The following SMCP variants were observed in gnomAD, a reference collection of about 807,000 sequenced individuals.
The protein encoded by SMCP is sperm mitochondrial-associated cysteine-rich protein.
For synonymous variants in SMCP, 41 were observed against 46.9 expected, an observed-to-expected ratio of 0.87 and a Z score of 0.51; for missense variants, 137 against 137.1, an observed-to-expected ratio of 1.00 and a Z score of 0.01.
chr1:152,881,930 A>G (rs927021988), intron 1 of SMCP, among the ~76,000 whole-genome samples: 2 of 152,180 alleles, frequency 1.3e-5, no homozygotes, highest in Admixed American at 6.5e-5. Flanking sequence ...GAGCCAAACC[A>G]TATCATGGGG....
At chr1:152,880,274 G>A (rs796103073) in intron 1 of SMCP, among the ~76,000 whole-genome samples, 4 of 152,090 alleles carry the variant, frequency 2.6e-5, no homozygotes, top group Admixed American at 6.5e-5. Flanking sequence ...AAGGAGATAC[G>A]GACAGATACT....
In SMCP at chr1:152,885,014, T is replaced by A; in HGVS notation, c.*241T>A. On this transcript the variant is annotated 3_prime_UTR_variant, in exon 2 of 2. Transcript: ENST00000368765. ...CATCTTTCCTAGTGATCCTGACATT[T>A]AGACAGCACAGAAATAAAGAGCAAT... is the stretch of plus-strand genomic sequence containing the variant. The A allele has an allele frequency of 1.8e-6, 1 of 549,682 alleles. No individual in the cohort carries two copies. The highest frequency in any genetic ancestry group is 3.0e-5 in the South Asian group (1 of 33,538). The allele number at this position is 549,682 out of a possible 1,614,324, so 34.1% of individuals were successfully genotyped here. A position where few individuals can be genotyped will look rare whatever the true frequency, so the allele number is the denominator to read the frequency against.
chr1:152,883,193 C>A (rs1007284522), intron 1 of SMCP, among the ~76,000 whole-genome samples: 4 of 152,228 alleles, frequency 2.6e-5, no homozygotes, highest in Admixed American at 1.3e-4. Flanking sequence ...CTACCAGTGA[C>A]AGGGCTCTGA....
At chr1:152,878,760 C>G (rs947791337) in intron 1 of SMCP, among the ~76,000 whole-genome samples, 4 of 152,140 alleles carry the variant, frequency 2.6e-5, no homozygotes, top group African/African-American at 9.7e-5. Context: ...TCCAAGAAAG[C>G]CTTTCAGGGA....
chr1:152,884,787 C>T lies in SMCP; in HGVS notation c.*14C>T, dbSNP rs374693542. On this transcript the variant is annotated 3_prime_UTR_variant, in exon 2 of 2. Coordinates refer to ENST00000368765, the MANE Select transcript of SMCP (RefSeq NM_030663.3). ...CCAAGCAAATGAGAGCAGAAGAAGT[C>T]AAACAAAGAAGAAGTCCCTGGGGCC... is the stretch of plus-strand genomic sequence containing the variant. The T allele has an allele frequency of 2.6e-5, 42 of 1,607,124 alleles. No individual in the cohort carries two copies. The African/African-American group carries it at 4.8e-4, about 18-fold the overall frequency.
chr1:152,880,478 G>A lies in SMCP; in HGVS notation c.-21+2032G>A, dbSNP rs138372000. Among the ~76,000 whole-genome samples the A allele has an allele frequency of 5.1e-4, 78 of 152,184 alleles. 1 individual carries two copies. The highest frequency in any genetic ancestry group is 8.1e-4 in the Non-Finnish European group (55 of 68,008). ...CCTATTTTTATACTGGTCTGTCTCC[G>A]TCTTATTTCCATTTTTGGTGTGCCT... On this transcript the variant is annotated intron_variant, in intron 1 of 1. Coordinates refer to ENST00000368765, the MANE Select transcript of SMCP (RefSeq NM_030663.3).
intron 1 of SMCP, among the ~76,000 whole-genome samples, chr1:152,883,048 A>G (rs1368376666): frequency 6.6e-6 from 1 of 152,220 alleles, no homozygotes; most frequent in Non-Finnish European, 1.5e-5. Flanking sequence ...CCATCTCAAA[A>G]AAACAAAAAC....
In SMCP at chr1:152,884,998, T is replaced by C; in HGVS notation, c.*225T>C. On this transcript the variant is annotated 3_prime_UTR_variant, in exon 2 of 2. Transcript: ENST00000368765. ...ATGAAGAGGCTAGAATCATCTTTCC[T>C]AGTGATCCTGACATTTAGACAGCAC... is the stretch of plus-strand genomic sequence containing the variant. 1 of 574,208 alleles carries C rather than the reference T, an allele frequency of 1.7e-6. No individual in the cohort carries two copies. Among genetic ancestry groups the C allele is most frequent in the Non-Finnish European group, 3.1e-6 (1 of 317,524 alleles). 35.6% of individuals were successfully genotyped at this position (574,208 alleles called of 1,614,324 possible). A position where few individuals can be genotyped will look rare whatever the true frequency, so the allele number is the denominator to read the frequency against.
intron 1 of SMCP, among the ~76,000 whole-genome samples, chr1:152,883,886 C>G (rs1167369002): frequency 6.6e-6 from 1 of 152,180 alleles, no homozygotes; most frequent in Non-Finnish European, 1.5e-5. Flanking sequence ...TTTCATTGCA[C>G]CTGGGTCCAT....
At chr1:152,879,229 T>C (rs1204491157) in intron 1 of SMCP, among the ~76,000 whole-genome samples, 3 of 152,182 alleles carry the variant, frequency 2.0e-5, no homozygotes, top group African/African-American at 7.2e-5. Context: ...TTTCTTTTTA[T>C]TTATTTATTG....
intron 1 of SMCP, among the ~76,000 whole-genome samples, chr1:152,880,618 A>G (rs1453866283): frequency 2.0e-5 from 3 of 152,120 alleles, no homozygotes; most frequent in Non-Finnish European, 4.4e-5. Context: ...AAGGAGCAAT[A>G]GGGTGACTTG....
At chr1:152,884,319 G>A in intron 1 of SMCP, 84 bp from the exon 2 acceptor site, 2 of 1,148,082 alleles carry the variant, frequency 1.7e-6, no homozygotes, top group Middle Eastern at 2.8e-4. Context: ...CCTGAAGATG[G>A]ATGTATTTGG....
intron 1 of SMCP, among the ~76,000 whole-genome samples, chr1:152,880,905 A>G (rs1278009347): frequency 1.3e-5 from 2 of 152,058 alleles, no homozygotes; most frequent in Non-Finnish European, 2.9e-5. Flanking sequence ...TTCCCTCCCA[A>G]TCTTCTCTCA....
intron 1 of SMCP, among the ~76,000 whole-genome samples, chr1:152,882,356 G>A (rs902215266): frequency 4.6e-5 from 7 of 152,156 alleles, no homozygotes; most frequent in African/African-American, 1.7e-4. Context: ...AAAAGAAGAG[G>A]ACAAGACAAG....
At chr1:152,882,256 C>G (rs527844749) in intron 1 of SMCP, among the ~76,000 whole-genome samples, 1 of 152,314 alleles carries the variant, frequency 6.6e-6, no homozygotes, top group South Asian at 2.1e-4. Context: ...CAGACGTGAG[C>G]CACTGTGTCC....
chr1:152,882,723 C>T (rs1305475142), intron 1 of SMCP, among the ~76,000 whole-genome samples: 1 of 152,110 alleles, frequency 6.6e-6, no homozygotes, highest in Non-Finnish European at 1.5e-5. Flanking sequence ...AGTGGAAAGC[C>T]CACAGCAGTA....
chr1:152,879,586 A>G (rs1016780523), intron 1 of SMCP, among the ~76,000 whole-genome samples: 6 of 152,130 alleles, frequency 3.9e-5, no homozygotes, highest in Non-Finnish European at 7.4e-5. Context: ...GGTTTGTTGG[A>G]CAGGAGCCAG....
rs200075080 is a variant in SMCP, at chr1:152,884,764, A to G, written c.342A>G (p.Pro114=). The part of the protein sequence containing the change: ...QPHSPQNESR[P]SK ...ATAGCCCACAAAATGAGTCCAGGCC[A>G]AGCAAATGAGAGCAGAAGAAGTCAA... The change falls in exon 2 of 2, where the codon CCA becomes CCG. Residue 114 remains proline, a synonymous_variant. Coordinates refer to ENST00000368765, the MANE Select transcript of SMCP (RefSeq NM_030663.3). 2.5e-6 allele frequency: 4 copies of G among 1,613,604 alleles called. No individual in the cohort carries two copies. The African/African-American group carries it at 4.0e-5, about 16-fold the overall frequency.
rs12122681 is a variant in SMCP at position 152,883,476 on chromosome 1, G to A, written c.-20-927G>A. ...GCTGCATACCTGGGCTGAGGCCCAG[G>A]GACGTTCCCAGAAGAGCTTGGACTT... On this transcript the variant is annotated intron_variant, in intron 1 of 1. Transcript: ENST00000368765. Among the ~76,000 whole-genome samples, 618 of 152,334 alleles carry A rather than the reference G, an allele frequency of 4.1e-3. 4 individuals are homozygous for A. Among genetic ancestry groups the A allele is most frequent in the Non-Finnish European group, 4.8e-3 (324 of 68,034 alleles).
Sources: allele counts gnomAD v4.1 joint callset (sites outside exome capture counted in the v4.1 genomes callset), GRCh38; gene constraint gnomAD v4.1.1; transcripts MANE v1.5; gene names NCBI Gene and HGNC (gene_info 2026-07-23, HGNC 2026-07-21).